CWC27: variants seen among roughly 807,000 people sequenced by gnomAD.
The protein encoded by CWC27 is spliceosome-associated protein CWC27 homolog.
CWC27 carries 47 observed loss-of-function variants against 63.6 expected under a neutral mutation model. The ratio of observed to expected loss-of-function variants is 0.74; its 90% CI spans 0.58 to 0.94. The LOEUF is 0.94. Among genes scored for constraint, CWC27 ranks in the 40% least tolerant of loss-of-function variants. The probability of loss-of-function intolerance (pLI) is 0.00; values close to 1 mark genes in which losing one functional copy is unlikely to be tolerated. For synonymous variants in CWC27, 175 were observed against 179.8 expected (o/e 0.97, Z 0.22); for missense variants, 495 against 554.3 (o/e 0.89, Z 1.07).
At chr5:64,835,462 A>C (rs1745636646) in intron 10 of CWC27, among the ~76,000 whole-genome samples, 1 of 151,770 alleles carries the variant, frequency 6.6e-6, no homozygotes, top group Non-Finnish European at 1.5e-5. Context: ...AGATAATTAT[A>C]TATTTTGGCT....
At chr5:64,798,122 G>A (rs1306404661) in intron 7 of CWC27, among the ~76,000 whole-genome samples, 1 of 152,154 alleles carries the variant, frequency 6.6e-6, no homozygotes, top group Non-Finnish European at 1.5e-5. Flanking sequence ...AACAAAAGAT[G>A]TTCAGGCTTT....
chr5:64,987,572 T>C (rs933803024), intron 13 of CWC27, among the ~76,000 whole-genome samples: 1 of 152,202 alleles, frequency 6.6e-6, no homozygotes, highest in African/African-American at 2.4e-5. Context: ...CTTCTGGTAT[T>C]ATTTCTCTTC....
chr5:64,905,503 T>G (rs1747614605), intron 11 of CWC27, among the ~76,000 whole-genome samples: 1 of 152,048 alleles, frequency 6.6e-6, no homozygotes, highest in Non-Finnish European at 1.5e-5. Context: ...TCTTTTAATC[T>G]GAAAATAAAA....
At chr5:64,965,361 T>C (rs1748993457) in intron 11 of CWC27, among the ~76,000 whole-genome samples, 1 of 152,194 alleles carries the variant, frequency 6.6e-6, no homozygotes, top group Non-Finnish European at 1.5e-5. Flanking sequence ...CTTTCCCCCT[T>C]TGGAAACCAA....
At chr5:64,889,894 A>G (rs1334682733) in intron 11 of CWC27, among the ~76,000 whole-genome samples, 1 of 152,134 alleles carries the variant, frequency 6.6e-6, no homozygotes, top group Non-Finnish European at 1.5e-5. Context: ...TAAATTTTGA[A>G]TAAGATTGAT....
chr5:64,887,306 T>G (rs1278788971), intron 11 of CWC27, among the ~76,000 whole-genome samples: 1 of 152,182 alleles, frequency 6.6e-6, no homozygotes, highest in Non-Finnish European at 1.5e-5. Context: ...TAAAGACTGA[T>G]TTCTTAATGC....
chr5:64,999,742 T>G (rs1428178780), intron 13 of CWC27, among the ~76,000 whole-genome samples: 1 of 152,148 alleles, frequency 6.6e-6, no homozygotes, highest in Non-Finnish European at 1.5e-5. Flanking sequence ...CATCCACTGA[T>G]GGACACTTAA....
At chr5:64,958,423 G>T (rs1748841925) in intron 11 of CWC27, among the ~76,000 whole-genome samples, 1 of 152,038 alleles carries the variant, frequency 6.6e-6, no homozygotes, top group Non-Finnish European at 1.5e-5. Flanking sequence ...AAATGAGCAG[G>T]TTGCTGATAC....
intron 12 of CWC27, among the ~76,000 whole-genome samples, chr5:64,976,657 A>G (rs539360152): frequency 6.1e-4 from 93 of 152,196 alleles, no homozygotes; most frequent in Non-Finnish European, 1.2e-3. Context: ...CTCAGGCTTC[A>G]TAGTAGCTGG....
intron 10 of CWC27, among the ~76,000 whole-genome samples, chr5:64,852,486 T>G (rs1026083258): frequency 1.2e-4 from 18 of 151,988 alleles, no homozygotes; most frequent in South Asian, 6.2e-4. Flanking sequence ...ACCTTTTTTT[T>G]TTTTTGAGAC....
At chr5:64,819,341 C>T (rs1246947326) in intron 10 of CWC27, among the ~76,000 whole-genome samples, 2 of 151,954 alleles carry the variant, frequency 1.3e-5, no homozygotes, top group Non-Finnish European at 1.5e-5. Flanking sequence ...GGTAAGAAAC[C>T]TTCGTGTGTA....
chr5:64,806,646 T>A (rs1580623677), intron 10 of CWC27, among the ~76,000 whole-genome samples: 1 of 152,112 alleles, frequency 6.6e-6, no homozygotes, highest in East Asian at 1.9e-4. Context: ...TTTCCATGAT[T>A]GTCTCATGAC....
chr5:64,774,433 T>A (rs574648196), intron 1 of CWC27, among the ~76,000 whole-genome samples: 132 of 152,234 alleles, frequency 8.7e-4, no homozygotes, highest in Non-Finnish European at 1.6e-3. Flanking sequence ...AGTTTTTTTC[T>A]GTGATTAAAA....
chr5:64,857,700 G>A (rs1436226821), intron 10 of CWC27, among the ~76,000 whole-genome samples: 1 of 151,998 alleles, frequency 6.6e-6, no homozygotes, highest in East Asian at 1.9e-4. Context: ...ACTCATCGTT[G>A]GCCTCATGTT....
intron 13 of CWC27, among the ~76,000 whole-genome samples, chr5:65,014,107 C>T (rs1176890382): frequency 6.6e-6 from 1 of 150,810 alleles, no homozygotes; most frequent in Non-Finnish European, 1.5e-5. Context: ...CAGCCCCATA[C>T]CAAAAAAACA....
rs543247641 is a variant in CWC27 at position 64,882,116 on chromosome 5, C to T, written c.939-3327C>T. Among the ~76,000 whole-genome samples the T allele has an allele frequency of 2.8e-4, 43 of 152,230 alleles. 1 individual carries two copies. The highest frequency in any genetic ancestry group is 3.4e-3 in the Middle Eastern group (1 of 294). ...GGAAATAATTGTACTTACCTGAGAA[C>T]ACATAATGACAGCCTAAACTAGGCA... On this transcript the variant is annotated intron_variant, in intron 10 of 13. Transcript: ENST00000381070.
chr5:64,781,501 G>A (rs1448973170), intron 2 of CWC27, among the ~76,000 whole-genome samples: 1 of 152,120 alleles, frequency 6.6e-6, no homozygotes, highest in Non-Finnish European at 1.5e-5. Flanking sequence ...TCTGTTGTGG[G>A]AACTGTCTTT....
At chr5:64,918,464 G>A (rs1425121111) in intron 11 of CWC27, among the ~76,000 whole-genome samples, 1 of 152,008 alleles carries the variant, frequency 6.6e-6, no homozygotes, top group Non-Finnish European at 1.5e-5. Context: ...GGTATGTGAG[G>A]TAATGTATGT....
intron 11 of CWC27, among the ~76,000 whole-genome samples, chr5:64,944,322 A>T (rs1009707582): frequency 6.6e-6 from 1 of 152,026 alleles, no homozygotes; most frequent in Non-Finnish European, 1.5e-5. Flanking sequence ...TTACTCTTAA[A>T]TTTACTCCAG....
Sources: allele counts gnomAD v4.1 joint callset (sites outside exome capture counted in the v4.1 genomes callset), GRCh38; gene constraint gnomAD v4.1.1; transcripts MANE v1.5; gene names NCBI Gene and HGNC (gene_info 2026-07-23, HGNC 2026-07-21).